MGAT4A: variants seen among roughly 807,000 people sequenced by gnomAD.
MGAT4A encodes the protein alpha-1,3-mannosyl-glycoprotein 4-beta-N-acetylglucosaminyltransferase A.
MGAT4A carries 33 observed loss-of-function variants against 74.1 expected under a neutral mutation model. The observed-to-expected ratio is 0.45, with a 90% CI of 0.34 to 0.60. The LOEUF (loss-of-function observed/expected upper bound fraction) is 0.60. Among genes scored for constraint, MGAT4A ranks in the 20% least tolerant of loss-of-function variants. MGAT4A has a pLI of 0.02. For synonymous variants in MGAT4A, 198 were observed against 210.4 expected (o/e 0.94, Z 0.51); for missense variants, 479 against 628.3 (o/e 0.76, Z 2.54).
At chr2:98,652,283 T>C (rs1215543123) in intron 8 of MGAT4A, among the ~76,000 whole-genome samples, 1 of 151,850 alleles carries the variant, frequency 6.6e-6, no homozygotes, top group Non-Finnish European at 1.5e-5. Flanking sequence ...ATATGGAACA[T>C]TCTCCAAGAC....
At chr2:98,691,280 C>A (rs959600996) in intron 2 of MGAT4A, among the ~76,000 whole-genome samples, 1 of 151,982 alleles carries the variant, frequency 6.6e-6, no homozygotes, top group South Asian at 2.1e-4. Context: ...TCAGTGAAAC[C>A]CCATCTCTAC....
chr2:98,686,677 G>A (rs572237392), intron 2 of MGAT4A, among the ~76,000 whole-genome samples: 75 of 152,114 alleles, frequency 4.9e-4, no homozygotes, highest in African/African-American at 1.8e-3. Flanking sequence ...CTCCCAAAGA[G>A]CTGGGATTAC....
At chr2:98,699,582 T>TA (rs903349089) in intron 2 of MGAT4A, among the ~76,000 whole-genome samples, 8 of 152,012 alleles carry the variant, frequency 5.3e-5, no homozygotes, top group Admixed American at 1.3e-4. Flanking sequence ...CCTCTTAAAC[T>TA]AAAAAAATGT....
At chr2:98,654,154 A>G (rs7603808) in intron 8 of MGAT4A, among the ~76,000 whole-genome samples, 2,511 of 152,278 alleles carry the variant, frequency 0.016, 68 homozygotes, top group African/African-American at 0.057. Flanking sequence ...AATAGAAAAA[A>G]ACTTATTCAA....
chr2:98,645,855 TA>T (rs1312371369), intron 8 of MGAT4A, among the ~76,000 whole-genome samples: 2 of 151,718 alleles, frequency 1.3e-5, no homozygotes, highest in African/African-American at 4.8e-5. Context: ...GAGCACAAGA[TA>T]AAGGTCTTAT....
chr2:98,730,565 C>G (rs1006662434), intron 1 of MGAT4A, among the ~76,000 whole-genome samples: 1 of 151,650 alleles, frequency 6.6e-6, no homozygotes, highest in African/African-American at 2.4e-5. Context: ...CCGCGGCCCC[C>G]GCGAAAGCGC....
intron 2 of MGAT4A, among the ~76,000 whole-genome samples, chr2:98,698,297 C>T (rs1018653851): frequency 2.0e-5 from 3 of 150,596 alleles, no homozygotes; most frequent in African/African-American, 7.3e-5. Flanking sequence ...CACCTGTAAT[C>T]CCAGCTACTT....
intron 2 of MGAT4A, among the ~76,000 whole-genome samples, chr2:98,717,583 C>A (rs930026351): frequency 5.3e-5 from 8 of 152,038 alleles, no homozygotes; most frequent in Non-Finnish European, 1.2e-4. Flanking sequence ...TTATACTACT[C>A]TGATTATATA....
intron 4 of MGAT4A, 74 bp downstream of exon 4, chr2:98,674,961 G>T: frequency 6.7e-7 from 1 of 1,490,856 alleles, no homozygotes; most frequent in Non-Finnish European, 9.1e-7. Context: ...CCAGACTTCT[G>T]ATGGTCAACA....
chr2:98,619,411 A>T lies in MGAT4A; in HGVS notation c.*6155T>A, dbSNP rs1286801496. 1 of 152,202 alleles carries T rather than the reference A, an allele frequency of 6.6e-6. No homozygotes were observed. The highest frequency in any genetic ancestry group is 1.9e-4 in the East Asian group (1 of 5,202). The allele number at this position is 152,202 out of a possible 1,614,324, so 9.4% of individuals were successfully genotyped here. ...AAAAATCTGGTACAACCTGGCAAGG[A>T]GATTCCTCAGGCAGCTTCTCTAAGG... On this transcript the variant is annotated 3_prime_UTR_variant, in exon 16 of 16. Coordinates refer to ENST00000393487, the MANE Select transcript of MGAT4A (RefSeq NM_012214.3).
At chr2:98,720,125 C>T (rs569118181) in intron 2 of MGAT4A, among the ~76,000 whole-genome samples, 2 of 152,086 alleles carry the variant, frequency 1.3e-5, no homozygotes, top group African/African-American at 4.8e-5. Flanking sequence ...TTGAAAAGTA[C>T]AATAGAAGTA....
In MGAT4A at chr2:98,726,553, C is replaced by T. The variant is rs1408619118; in HGVS notation, c.-221G>A. The T allele has an allele frequency of 1.9e-5, 8 of 418,970 alleles. No individual in the cohort carries two copies. The highest frequency in any genetic ancestry group is 8.0e-5 in the African/African-American group (4 of 49,950). The allele number at this position is 418,970 out of a possible 1,614,324, so 26.0% of individuals were successfully genotyped here. On this transcript the variant is annotated 5_prime_UTR_variant, in exon 2 of 16. Transcript: ENST00000393487. ...TTGCGGTCTTCACACGCTGATGCCT[C>T]GGCCTTTTCCCTTCCTATTCAGGGG...
rs138054761 is a variant in MGAT4A, at chr2:98,645,418, C to A, written c.889+10G>T. The stretch of plus-strand genomic sequence containing the variant: ...TTATGAAAAGTAGGTAAGTGTGACA[C>A]TTTTCTTACCAATGAAGCCCAGCTG... On this transcript the variant is annotated intron_variant, in intron 9 of 15. Coordinates refer to ENST00000393487, the MANE Select transcript of MGAT4A (RefSeq NM_012214.3). The A allele has an allele frequency of 4.4e-4, 675 of 1,535,064 alleles. 5 individuals carry two copies. In the African/African-American group the frequency reaches 8.6e-3, roughly 20 times the overall value.
chr2:98,706,579 C>T (rs1472259729), intron 2 of MGAT4A, among the ~76,000 whole-genome samples: 23 of 150,862 alleles, frequency 1.5e-4, no homozygotes, highest in Non-Finnish European at 2.5e-4. Flanking sequence ...CCACCCGCGT[C>T]GGCCTCCCAA....
At chr2:98,679,405 CAAAAAAAAAAA>C (rs753919040) in intron 2 of MGAT4A, among the ~76,000 whole-genome samples, 32 of 33,344 alleles carry the variant, frequency 9.6e-4, no homozygotes, top group African/African-American at 3.6e-3. Flanking sequence ...GACTCCGTCT[CAAAAAAAAAAA>C]AAAAAAAAAA....
chr2:98,639,685 C>T, intron 12 of MGAT4A, 123 bp downstream of exon 12: 1 of 734,558 alleles, frequency 1.4e-6, no homozygotes, highest in South Asian at 2.8e-5. Context: ...ATTTAAAGCC[C>T]AACATTTTGG....
At chr2:98,636,411 CT>C in intron 13 of MGAT4A, 105 bp downstream of exon 13, 1 of 856,930 alleles carries the variant, frequency 1.2e-6, no homozygotes, top group East Asian at 2.5e-5. Flanking sequence ...CCATTGAGTC[CT>C]GCAAATCATG....
At chr2:98,653,802 G>A (rs1161828509) in intron 8 of MGAT4A, among the ~76,000 whole-genome samples, 60 of 152,080 alleles carry the variant, frequency 3.9e-4, no homozygotes, top group Admixed American at 3.7e-3. Context: ...GAAACAGAGG[G>A]AACACTTTTC....
Position 98,623,399 on chromosome 2 carries a change from G to A in MGAT4A, c.*2167C>T. ...CTTCATGAAACCAGAGTTGGCAACT[G>A]AGGAACCAGGGACCCAAGAGTACTC... On this transcript the variant is annotated 3_prime_UTR_variant, in exon 16 of 16. Coordinates refer to ENST00000393487, the MANE Select transcript of MGAT4A (RefSeq NM_012214.3). 1.0e-6 allele frequency: 1 copy of A among 985,432 alleles called. No individual in the cohort carries two copies. The highest frequency in any genetic ancestry group is 1.2e-6 in the Non-Finnish European group (1 of 829,934). 61.0% of individuals were successfully genotyped at this position (985,432 alleles called of 1,614,324 possible). A position where few individuals can be genotyped will look rare whatever the true frequency, so the allele number is the denominator to read the frequency against.
Sources: gnomAD v4.1 joint callset for allele counts (sites outside exome capture counted in the v4.1 genomes callset) on GRCh38, gnomAD v4.1.1 for gene constraint, MANE v1.5 for transcripts, NCBI Gene and HGNC (gene_info 2026-07-23, HGNC 2026-07-21) for gene names.